Variants in RNF43 observed in about 807,000 individuals in gnomAD.
The protein encoded by RNF43 is E3 ubiquitin-protein ligase RNF43.
RNF43 carries 37 observed loss-of-function variants against 78.4 expected under a neutral mutation model. The ratio of observed to expected loss-of-function variants is 0.47; its 90% CI spans 0.36 to 0.62. RNF43 has a LOEUF of 0.62. Ranked by LOEUF, RNF43 falls within the 20% of genes least tolerant of loss-of-function variation. The pLI is 0.00. For synonymous variants in RNF43, 347 were observed against 395.0 expected (o/e 0.88, Z 1.44); for missense variants, 774 against 1,007.9 (o/e 0.77, Z 3.14).
intron 2 of RNF43, among the ~76,000 whole-genome samples, chr17:58,393,302 A>G (rs2680695): frequency 0.85 from 129,548 of 152,096 alleles, 55,524 homozygotes; most frequent in East Asian, 1. Flanking sequence ...AGCTACTTGG[A>G]ACGCTGAGGC....
rs200372748 is a variant in RNF43 at position 58,362,578 on chromosome 17, A to G, written c.653T>C (p.Leu218Pro). The change falls in exon 6 of 10, where the codon CTG (leucine) becomes CCG (proline). Residue 218 changes from leucine (L) to proline (P), a missense_variant. Transcript: ENST00000407977. ...TIFVIILASVLRIRCRPRHSR... is the reference protein window; with the variant it reads ...TIFVIILASVPRIRCRPRHSR... ...GTGGCGGGGGCGGCACCGGATGCGC[A>G]GCACCGAAGCCAGGATGATCACAAA... 2.5e-6 allele frequency: 4 copies of G among 1,611,510 alleles called. No homozygotes were observed. Among genetic ancestry groups the G allele is most frequent in the Non-Finnish European group, 3.4e-6 (4 of 1,178,802 alleles).
chr17:58,394,411 G>A lies in RNF43; in HGVS notation c.252+20915C>T, dbSNP rs1973629562. ...ATGACTTGATATCAAATAGAATAAT[G>A]AAGAAAAGTAAAGCATTGAGTATTA... On this transcript the variant is annotated intron_variant, in intron 2 of 9. Coordinates refer to ENST00000407977, the MANE Select transcript of RNF43 (RefSeq NM_017763.6). Among the ~76,000 whole-genome samples, 2 of 152,140 alleles carry A rather than the reference G, an allele frequency of 1.3e-5. 1 individual carries two copies. The highest frequency in any genetic ancestry group is 2.9e-5 in the Non-Finnish European group (2 of 68,028).
intron 2 of RNF43, among the ~76,000 whole-genome samples, chr17:58,371,822 C>T (rs1973103019): frequency 6.6e-6 from 1 of 152,216 alleles, no homozygotes; most frequent in African/African-American, 2.4e-5. Context: ...TGGTGCTGAA[C>T]AATGACTAAA....
chr17:58,388,203 T>C (rs1973476901), intron 2 of RNF43, among the ~76,000 whole-genome samples: 1 of 152,196 alleles, frequency 6.6e-6, no homozygotes, highest in African/African-American at 2.4e-5. Context: ...CATATGTAAT[T>C]GCTAAGCCAA....
rs2143421495 is a variant in RNF43, at chr17:58,358,604, G to C, written c.1172C>G (p.Pro391Arg). Residue 391 changes from proline to arginine, a missense_variant, in exon 9 of 10, where the codon CCC becomes CGC. By Grantham distance (103) the Pro-to-Arg change is moderately radical. Coordinates refer to ENST00000407977, the MANE Select transcript of RNF43 (RefSeq NM_017763.6). This position sits in a 1 kb window ranked among gnomAD's most constrained non-coding sequence, Gnocchi z 6.2. ...PGMGPRHHRF[P>R]RAAHPRAPGE... Reference sequence around the variant, plus strand: ...TGGAGCCCGGGGATGTGCAGCTCTGGGGAAGCGGTGATGCCGAGGGCCCAT... The same window carrying C: ...TGGAGCCCGGGGATGTGCAGCTCTGCGGAAGCGGTGATGCCGAGGGCCCAT... The C allele has an allele frequency of 6.3e-7, 1 of 1,575,390 alleles. No individual in the cohort carries two copies. Among genetic ancestry groups the C allele is most frequent in the Non-Finnish European group, 8.6e-7 (1 of 1,159,346 alleles).
intron 2 of RNF43, among the ~76,000 whole-genome samples, chr17:58,394,755 C>T (rs909463321): frequency 3.3e-5 from 5 of 152,212 alleles, no homozygotes; most frequent in Admixed American, 2.6e-4. Context: ...AGTGTACCTG[C>T]AATAGTTACC....
Position 58,360,929 on chromosome 17 carries a change from T to C in RNF43, c.703A>G (p.Arg235Gly), listed in dbSNP as rs745979385. ...AGCTGGCTGATGGCCCAGGCTGTTC[T>C]CTGCTGAAGCGGATCCTGGGAAGAG... ...RHSRPDPLQQ[R>G]TAWAISQLAT... Residue 235 changes from arginine (R) to glycine (G), a missense_variant, in exon 7 of 10, where the codon AGA (arginine) becomes GGA (glycine). Transcript: ENST00000407977. The surrounding 1 kb of genome is among the most constrained non-coding windows in gnomAD (Gnocchi z 4.3). 1 of 1,586,514 alleles carries C rather than the reference T, an allele frequency of 6.3e-7. No homozygotes were observed. The highest frequency in any genetic ancestry group is 8.6e-7 in the Non-Finnish European group (1 of 1,163,010).
intron 2 of RNF43, among the ~76,000 whole-genome samples, chr17:58,381,693 A>G (rs1402749650): frequency 1.3e-5 from 2 of 152,194 alleles, no homozygotes; most frequent in Non-Finnish European, 2.9e-5. Context: ...CAATAGTAGC[A>G]TCTCTTGCGC....
In RNF43 at chr17:58,354,771, G is replaced by A. The variant is rs1024611794; in HGVS notation, c.*172C>T. Reference sequence around the variant, plus strand: ...AAGGTCTGGAGCTGGAGCAGGAAACGGCACCCTCTCACCCTCCACCATCAC... The same window carrying A: ...AAGGTCTGGAGCTGGAGCAGGAAACAGCACCCTCTCACCCTCCACCATCAC... On this transcript the variant is annotated 3_prime_UTR_variant, in exon 10 of 10. Transcript: ENST00000407977. 7 of 650,138 alleles carry A rather than the reference G, an allele frequency of 1.1e-5. No homozygotes were observed. Among genetic ancestry groups the A allele is most frequent in the South Asian group, 3.5e-5 (2 of 57,750 alleles). 40.3% of individuals were successfully genotyped at this position (650,138 alleles called of 1,614,324 possible).
intron 3 of RNF43, among the ~76,000 whole-genome samples, chr17:58,367,705 AG>A (rs1488037786): frequency 6.6e-6 from 1 of 152,218 alleles, no homozygotes; most frequent in Non-Finnish European, 1.5e-5. Flanking sequence ...GTGACTGGAC[AG>A]AGGGTGGAGG....
chr17:58,359,397 C>G (rs1972779180), intron 8 of RNF43, among the ~76,000 whole-genome samples: 1 of 148,638 alleles, frequency 6.7e-6, no homozygotes, highest in Non-Finnish European at 1.5e-5. Context: ...GAGATCGAGA[C>G]CATCCTGGCT....
chr17:58,383,407 C>T (rs1202839992), intron 2 of RNF43, among the ~76,000 whole-genome samples: 2 of 152,056 alleles, frequency 1.3e-5, no homozygotes, highest in Non-Finnish European at 2.9e-5. Flanking sequence ...GAGGATCATA[C>T]CTCAGCAACC....
chr17:58,368,784 T>C (rs1304670103), intron 3 of RNF43, among the ~76,000 whole-genome samples: 7 of 152,132 alleles, frequency 4.6e-5, no homozygotes, highest in African/African-American at 1.7e-4. Context: ...TTACAATTTA[T>C]TTTCTCATGA....
Position 58,381,814 on chromosome 17 carries a change from C to T in RNF43, c.253-10781G>A, listed in dbSNP as rs149858285. On this transcript the variant is annotated intron_variant, in intron 2 of 9. Coordinates refer to ENST00000407977, the MANE Select transcript of RNF43 (RefSeq NM_017763.6). ...GTCTTAGCTCCTAAGAAGTCTTTTA[C>T]AGAAAACATATGATGGGAAAATAGC... 1.3e-3 allele frequency among the ~76,000 whole-genome samples: 199 copies of T among 152,244 alleles called. 1 individual carries two copies. Among genetic ancestry groups the T allele is most frequent in the African/African-American group, 4.5e-3 (189 of 41,552 alleles).
At chr17:58,355,084 G>C in intron 9 of RNF43, 98 bp from the exon 10 acceptor site, 1 of 1,089,206 alleles carries the variant, frequency 9.2e-7, no homozygotes. Context: ...GGGGACCACA[G>C]GGAGGGAGAA....
chr17:58,393,244 C>G (rs753029427), intron 2 of RNF43, among the ~76,000 whole-genome samples: 1 of 152,110 alleles, frequency 6.6e-6, no homozygotes, highest in Non-Finnish European at 1.5e-5. Context: ...CCCATCTCTA[C>G]TAAAAATACA....
chr17:58,371,081 G>A (rs777869981), intron 2 of RNF43, 48 bp from the exon 3 acceptor site: 3 of 1,511,354 alleles, frequency 2.0e-6, no homozygotes, highest in South Asian at 2.6e-5. Context: ...GGCAGCAGGA[G>A]TGAGCTGTGA....
chr17:58,396,829 A>C (rs981720451), intron 2 of RNF43, among the ~76,000 whole-genome samples: 3 of 152,194 alleles, frequency 2.0e-5, no homozygotes, highest in Admixed American at 2.0e-4. Flanking sequence ...TTTATCCTTT[A>C]TATATACACA....
downstream of RNF43, chr17:58,352,542 C>T (rs1972578848): frequency 4.5e-6 from 1 of 223,912 alleles, no homozygotes; most frequent in Admixed American, 5.8e-5. Context: ...CCGATGGTAA[C>T]CCGAAGTTTG....
Sources: allele counts gnomAD v4.1 joint callset (sites outside exome capture counted in the v4.1 genomes callset), GRCh38; gene constraint gnomAD v4.1.1; non-coding constraint Gnocchi (gnomAD v3.1); transcripts MANE v1.5; gene names NCBI Gene and HGNC (gene_info 2026-07-23, HGNC 2026-07-21).